PPFIA1: variants seen among roughly 807,000 people sequenced by gnomAD.
PPFIA1 encodes liprin-alpha-1.
A neutral mutation model predicts 149.9 loss-of-function variants in PPFIA1; 25 were observed. The observed-to-expected ratio is 0.17, with a 90% CI of 0.12 to 0.23. PPFIA1 has a LOEUF of 0.23. Among genes scored for constraint, PPFIA1 ranks in the 10% least tolerant of loss-of-function variants. The probability of loss-of-function intolerance (pLI) is 1.00; values close to 1 mark genes in which losing one functional copy is unlikely to be tolerated. For synonymous variants in PPFIA1, 549 were observed against 552.8 expected (o/e 0.99, Z 0.10); for missense variants, 1,362 against 1,506.5 (o/e 0.90, Z 1.59).
chr11:70,374,961 G>C lies in PPFIA1; in HGVS notation c.3183G>C (p.Leu1061=). The C allele has an allele frequency of 6.2e-7, 1 of 1,613,296 alleles. No homozygotes were observed. Among genetic ancestry groups the C allele is most frequent in the East Asian group, 2.2e-5 (1 of 44,828 alleles). ...ATGATCGAGTGATTCGCTGGATCCTGTCAATTGGCCTTAAAGAATATGCAA... is the reference window on the plus strand; with the variant it reads ...ATGATCGAGTGATTCGCTGGATCCTCTCAATTGGCCTTAAAGAATATGCAA... ...WSNDRVIRWI[L]SIGLKEYANN... The change falls in exon 24 of 28, where the codon CTG becomes CTC. Residue 1061 remains leucine (L), a synonymous_variant. Transcript: ENST00000253925.
At chr11:70,375,223 G>GTTT (rs746047562) in intron 24 of PPFIA1, 130 bp downstream of exon 24, 476 of 166,734 alleles carry the variant, frequency 2.9e-3, no homozygotes, top group African/African-American at 4.1e-3. Context: ...CTAGTTTTTG[G>GTTT]TTTTTTTTTT....
At chr11:70,327,606 C>A (rs2054387738) in intron 7 of PPFIA1, 1 of 152,038 alleles carries the variant, frequency 6.6e-6, no homozygotes, top group South Asian at 2.1e-4. Flanking sequence ...CCCGTCTCTA[C>A]TAAAAAATAC....
intron 15 of PPFIA1, among the ~76,000 whole-genome samples, chr11:70,346,651 C>T (rs950338321): frequency 6.6e-6 from 1 of 152,074 alleles, no homozygotes; most frequent in Non-Finnish European, 1.5e-5. Context: ...CTTTCCTCAT[C>T]ATTATGGGAG....
intron 21 of PPFIA1, chr11:70,364,563 G>A (rs762785912): frequency 2.2e-4 from 34 of 152,160 alleles, no homozygotes; most frequent in African/African-American, 7.2e-4. Flanking sequence ...GTTTTGAGGG[G>A]TTTTACTTGT....
chr11:70,343,683 T>C lies in PPFIA1; in HGVS notation c.1722T>C (p.Asn574=). ...CTTGTTTATAGGTACAAACTCTTAA[T>C]GAGCAGGATTGGGAACGTGCCCAGC... ...RDEPSKVQTL[N]EQDWERAQQA... is the part of the protein sequence containing the mutation. The change falls in exon 15 of 28, where the codon AAT becomes AAC. Residue 574 remains asparagine, a synonymous_variant. Coordinates refer to ENST00000253925, the MANE Select transcript of PPFIA1 (RefSeq NM_003626.5). 1 of 1,614,190 alleles carries C rather than the reference T, an allele frequency of 6.2e-7. No individual in the cohort carries two copies. Among genetic ancestry groups the C allele is most frequent in the Non-Finnish European group, 8.5e-7 (1 of 1,179,998 alleles).
In PPFIA1 at chr11:70,324,913, A is replaced by G. The variant is rs781696901; in HGVS notation, c.433A>G (p.Lys145Glu). 1 of 1,613,860 alleles carries G rather than the reference A, an allele frequency of 6.2e-7. No individual in the cohort carries two copies. The highest frequency in any genetic ancestry group is 1.1e-5 in the South Asian group (1 of 91,058). The change falls in exon 4 of 28, where the codon AAG becomes GAG. Residue 145 changes from lysine (K) to glutamate (E), a missense_variant. Lys to Glu is a moderately conservative substitution (Grantham distance 56). This residue lies in a region of PPFIA1 where 79 missense variants were observed against 146.2 expected (regional missense o/e 0.54). Coordinates refer to ENST00000253925, the MANE Select transcript of PPFIA1 (RefSeq NM_003626.5). ...HERSLRMTVV[K>E]RQAQSPAGVS... ...GCGGTCTCTTAGGATGACCGTGGTG[A>G]AGAGACAAGCGCAGTCTCCAGCAGG...
In PPFIA1 at chr11:70,296,734, AGGGAGAGGGAGAGAGG is replaced by A. The variant is rs1241500220; in HGVS notation, c.264+24300_264+24315del. On this transcript the variant is annotated intron_variant, in intron 2 of 27. Coordinates refer to ENST00000253925, the MANE Select transcript of PPFIA1 (RefSeq NM_003626.5). Reference sequence around the variant, plus strand: ...CCATGGGGAGAGGGAGAGGAGGGAGAGGGAGAGGGAGAGAGGGAGGGAGGGAGGGGGAGGGAGGGAG... The same window carrying A: ...CCATGGGGAGAGGGAGAGGAGGGAGAGAGGGAGGGAGGGGGAGGGAGGGAG... Among the ~76,000 whole-genome samples the A allele has an allele frequency of 6.1e-3, 343 of 56,346 alleles. 6 individuals carry two copies. The highest frequency in any genetic ancestry group is 0.028 in the African/African-American group (324 of 11,474). 37.0% of individuals were successfully genotyped at this position (56,346 alleles called of 152,430 possible).
rs778576242 is a variant in PPFIA1 at position 70,325,502 on chromosome 11, G to A, written c.534G>A (p.Val178=). ...AACTCAACCCCTTTTATTTTCAGGTGAGAGAGCGATTACGAGTAGCACTTG... is the reference window on the plus strand; with the variant it reads ...AACTCAACCCCTTTTATTTTCAGGTAAGAGAGCGATTACGAGTAGCACTTG... ...FEHHKALDEK[V]RERLRVALER... The change falls in exon 5 of 28, where the codon GTG becomes GTA. Residue 178 remains valine, a splice_region_variant and synonymous_variant. Transcript: ENST00000253925. 5 of 1,580,170 alleles carry A rather than the reference G, an allele frequency of 3.2e-6. No individual in the cohort carries two copies. Among genetic ancestry groups the A allele is most frequent in the East Asian group, 2.2e-5 (1 of 44,666 alleles).
chr11:70,326,199 C>A, intron 5 of PPFIA1, 63 bp from the exon 6 acceptor site: 1 of 959,570 alleles, frequency 1.0e-6, no homozygotes. Context: ...AGGAGTTTTG[C>A]TATCTTTACT....
chr11:70,349,699 TA>T (rs1267193414), intron 16 of PPFIA1, among the ~76,000 whole-genome samples: 5 of 152,222 alleles, frequency 3.3e-5, no homozygotes, highest in Non-Finnish European at 7.3e-5. Flanking sequence ...TGTTTTGAAA[TA>T]CTGTTTTTAT....
At chr11:70,325,359 A>G (rs1243222928) in intron 4 of PPFIA1, 141 bp from the exon 5 acceptor site, 3 of 498,328 alleles carry the variant, frequency 6.0e-6, no homozygotes, top group Non-Finnish European at 1.0e-5. Flanking sequence ...AGTAAGATCA[A>G]TGACAGACAT....
In PPFIA1 at chr11:70,375,992, T is replaced by G. The variant is rs991533740; in HGVS notation, c.3316-540T>G. Among the ~76,000 whole-genome samples the G allele has an allele frequency of 4.7e-5, 7 of 150,282 alleles. No individual in the cohort carries two copies. The East Asian group carries it at 1.4e-3, about 30-fold the overall frequency. ...TAGTCATAGCAGTGAGGGAGTTGTT[T>G]TTTTGTTTGTTTTGAGATGGAGTTT... On this transcript the variant is annotated intron_variant, in intron 24 of 27. Coordinates refer to ENST00000253925, the MANE Select transcript of PPFIA1 (RefSeq NM_003626.5).
intron 21 of PPFIA1, among the ~76,000 whole-genome samples, chr11:70,370,356 G>A (rs762236360): frequency 2.4e-4 from 36 of 151,402 alleles, no homozygotes; most frequent in Admixed American, 4.0e-4. Context: ...TCTGCTTGCC[G>A]TGGATTTCAT....
chr11:70,324,487 A>C lies in PPFIA1; in HGVS notation c.350A>C (p.Glu117Ala). Residue 117 changes from glutamate to alanine, a missense_variant, in exon 3 of 28, where the codon GAA becomes GCA. This residue lies in a region of PPFIA1 where 79 missense variants were observed against 146.2 expected (regional missense o/e 0.54). Transcript: ENST00000253925. ...GAAGAAATTGCTGAACTGAAAGCAG[A>C]AAGGAATAACACCAGGGTGAGTGTG... ...REEEIAELKA[E>A]RNNTRLLLEH... is the part of the protein sequence containing the mutation. 6.2e-7 allele frequency: 1 copy of C among 1,611,196 alleles called. No individual in the cohort carries two copies. Among genetic ancestry groups the C allele is most frequent in the Non-Finnish European group, 8.5e-7 (1 of 1,177,282 alleles).
At chr11:70,321,899 C>T (rs1418579193) in intron 2 of PPFIA1, among the ~76,000 whole-genome samples, 2 of 152,164 alleles carry the variant, frequency 1.3e-5, no homozygotes, top group Non-Finnish European at 2.9e-5. Context: ...GATGGAGTTT[C>T]GCTCTTGTTG....
At chr11:70,309,369 A>G (rs899604096) in intron 2 of PPFIA1, among the ~76,000 whole-genome samples, 1 of 152,246 alleles carries the variant, frequency 6.6e-6, no homozygotes, top group South Asian at 2.1e-4. Context: ...GGGTTTCTCC[A>G]TGTCAGTCAA....
chr11:70,281,475 G>A (rs1280227932), intron 2 of PPFIA1, among the ~76,000 whole-genome samples: 2 of 152,126 alleles, frequency 1.3e-5, no homozygotes, highest in Admixed American at 1.3e-4. Flanking sequence ...TCTCCTTAAC[G>A]CCATGAGACT....
At chr11:70,367,571 C>G (rs1204744788) in intron 21 of PPFIA1, 1 of 455,792 alleles carries the variant, frequency 2.2e-6, no homozygotes. Flanking sequence ...GTTCTCTGGA[C>G]TGACATCACC....
At chr11:70,339,371 G>T in intron 14 of PPFIA1, 65 bp downstream of exon 14, 1 of 1,548,106 alleles carries the variant, frequency 6.5e-7, no homozygotes, top group South Asian at 1.2e-5. Context: ...GTGGCTTTCA[G>T]ACTACTTTGG....
Sources: gnomAD v4.1 joint callset for allele counts (sites outside exome capture counted in the v4.1 genomes callset) on GRCh38, gnomAD v4.1.1 for gene constraint, gnomAD v4.1.1 regional missense constraint, MANE v1.5 for transcripts, NCBI Gene and HGNC (gene_info 2026-07-23, HGNC 2026-07-21) for gene names.